CCDC172: variants seen among roughly 807,000 people sequenced by gnomAD.
CCDC172 encodes the protein coiled-coil domain-containing protein 172.
CCDC172 carries 30 observed loss-of-function variants against 38.0 expected under a neutral mutation model. The observed-to-expected ratio is 0.79, with a 90% CI of 0.59 to 1.07. The LOEUF (loss-of-function observed/expected upper bound fraction) is 1.07. CCDC172 is among the 50% of genes least tolerant of loss of function. The pLI is 0.00. For synonymous variants in CCDC172, 78 were observed against 88.3 expected, an observed-to-expected ratio of 0.88 and a Z score of 0.66; for missense variants, 297 against 290.1, an observed-to-expected ratio of 1.02 and a Z score of -0.17.
chr10:116,357,807 A>G, intron 6 of CCDC172, 29 bp from the exon 7 acceptor site: 2 of 1,154,936 alleles, frequency 1.7e-6, no homozygotes, highest in Non-Finnish European at 2.5e-6. Context: ...AATTTTCAAA[A>G]GATTGCAACT....
At chr10:116,356,318 AG>A (rs1410538928) in intron 5 of CCDC172, among the ~76,000 whole-genome samples, 1 of 147,684 alleles carries the variant, frequency 6.8e-6, no homozygotes, top group Non-Finnish European at 1.5e-5. Flanking sequence ...CAACAGAGCA[AG>A]ACTCCACTCA....
chr10:116,339,527 CA>C (rs1844768667), intron 3 of CCDC172, among the ~76,000 whole-genome samples: 1 of 151,794 alleles, frequency 6.6e-6, no homozygotes, highest in African/African-American at 2.4e-5. Flanking sequence ...TTCCTTCCCC[CA>C]ATCTCTAAAA....
intron 5 of CCDC172, among the ~76,000 whole-genome samples, chr10:116,355,823 G>A (rs1844988445): frequency 6.6e-6 from 1 of 152,126 alleles, no homozygotes; most frequent in Non-Finnish European, 1.5e-5. Context: ...CAGAGTTAGG[G>A]GAAATTGGGA....
intron 7 of CCDC172, among the ~76,000 whole-genome samples, chr10:116,360,883 A>G (rs931139067): frequency 1.3e-4 from 20 of 152,060 alleles, no homozygotes; most frequent in African/African-American, 4.8e-4. Context: ...ACCCTTGCCT[A>G]CAGATTTAAG....
At chr10:116,329,874 A>T (rs1409725361) in intron 3 of CCDC172, among the ~76,000 whole-genome samples, 1 of 152,192 alleles carries the variant, frequency 6.6e-6, no homozygotes, top group Non-Finnish European at 1.5e-5. Flanking sequence ...AAGTGTCAAA[A>T]ATATTAATTT....
intron 5 of CCDC172, among the ~76,000 whole-genome samples, chr10:116,346,589 C>CAAAAAAAAA (rs1844870045): frequency 6.6e-6 from 1 of 150,956 alleles, no homozygotes; most frequent in Admixed American, 6.6e-5. Flanking sequence ...CAGTGACTGT[C>CAAAAAAAAA]AAAAGTCATG....
intron 5 of CCDC172, among the ~76,000 whole-genome samples, chr10:116,355,732 G>T (rs1409392894): frequency 6.6e-6 from 1 of 152,160 alleles, no homozygotes. Flanking sequence ...ACCACATATT[G>T]TATGATTCCA....
At chr10:116,356,326 C>T (rs754515042) in intron 5 of CCDC172, among the ~76,000 whole-genome samples, 20 of 132,838 alleles carry the variant, frequency 1.5e-4, no homozygotes, top group Non-Finnish European at 3.1e-4. Context: ...CAAGACTCCA[C>T]TCAGAAAAAA....
chr10:116,371,386 C>T (rs1397802478), intron 7 of CCDC172, among the ~76,000 whole-genome samples: 1 of 151,718 alleles, frequency 6.6e-6, no homozygotes, highest in Non-Finnish European at 1.5e-5. Context: ...ATTCCGGGAA[C>T]AAATCCTAAT....
chr10:116,348,115 G>A (rs1414122051), intron 5 of CCDC172, among the ~76,000 whole-genome samples: 3 of 151,424 alleles, frequency 2.0e-5, no homozygotes, highest in African/African-American at 7.3e-5. Flanking sequence ...AAAAATGTAC[G>A]TACTATAATT....
At chr10:116,355,589 CA>C (rs2134946658) in intron 5 of CCDC172, among the ~76,000 whole-genome samples, 1 of 152,108 alleles carries the variant, frequency 6.6e-6, no homozygotes, top group Non-Finnish European at 1.5e-5. Flanking sequence ...GTGAGGAATC[CA>C]AAAACAAAAT....
intron 5 of CCDC172, among the ~76,000 whole-genome samples, chr10:116,356,199 G>A (rs902056273): frequency 4.6e-5 from 7 of 151,996 alleles, no homozygotes; most frequent in Admixed American, 1.3e-4. Flanking sequence ...GCATGGTGGC[G>A]AGCACCTGTA....
intron 7 of CCDC172, among the ~76,000 whole-genome samples, chr10:116,371,190 T>C (rs796110267): frequency 2.6e-4 from 39 of 151,954 alleles, no homozygotes; most frequent in African/African-American, 6.7e-4. Flanking sequence ...ATATGTATTT[T>C]TTTTATTGGG....
intron 3 of CCDC172, among the ~76,000 whole-genome samples, chr10:116,331,938 T>A (rs891067046): frequency 1.3e-5 from 2 of 152,140 alleles, no homozygotes; most frequent in Non-Finnish European, 1.5e-5. Context: ...CGTTTTCCAC[T>A]CATGGCTCAA....
At chr10:116,326,944 G>A (rs956780269) in intron 3 of CCDC172, among the ~76,000 whole-genome samples, 7 of 152,160 alleles carry the variant, frequency 4.6e-5, no homozygotes, top group African/African-American at 1.7e-4. Flanking sequence ...GGTGGTATGG[G>A]CAAAACATTA....
rs1026957071 is a variant in CCDC172 at position 116,326,883 on chromosome 10, T to G, written c.165+1495T>G. Reference sequence around the variant, plus strand: ...TATTCAGTGAGATCCTTCCTCCTGTTTTGCCTGTGAATAGTAGGTAAACTA... The same window carrying G: ...TATTCAGTGAGATCCTTCCTCCTGTGTTGCCTGTGAATAGTAGGTAAACTA... On this transcript the variant is annotated intron_variant, in intron 3 of 8. Transcript: ENST00000333254. 2.0e-5 allele frequency among the ~76,000 whole-genome samples: 3 copies of G among 152,310 alleles called. No homozygotes were observed. The South Asian group carries it at 6.2e-4, about 32-fold the overall frequency.
intron 3 of CCDC172, among the ~76,000 whole-genome samples, chr10:116,330,425 T>A (rs1266167789): frequency 1.3e-5 from 2 of 152,172 alleles, no homozygotes; most frequent in Non-Finnish European, 2.9e-5. Context: ...AGGGAAGCAG[T>A]AAGTAATGCA....
Position 116,345,603 on chromosome 10 carries a change from A to T in CCDC172, c.448+3402A>T, listed in dbSNP as rs1016570048. Among the ~76,000 whole-genome samples, 5 of 152,196 alleles carry T rather than the reference A, an allele frequency of 3.3e-5. No homozygotes were observed. The East Asian group carries it at 9.6e-4, about 29-fold the overall frequency. On this transcript the variant is annotated intron_variant, in intron 5 of 8. Transcript: ENST00000333254. ...GTTATCCAGAACATAATGAACTCTAACAACTTAAAAAATAAGAAAGGCAAA... is the reference window on the plus strand; with the variant it reads ...GTTATCCAGAACATAATGAACTCTATCAACTTAAAAAATAAGAAAGGCAAA...
chr10:116,341,204 T>G (rs1645733704), intron 4 of CCDC172, among the ~76,000 whole-genome samples: 1 of 152,038 alleles, frequency 6.6e-6, no homozygotes. Context: ...GGATGGATAT[T>G]GTTAATCTTT....
Sources: allele counts gnomAD v4.1 joint callset (sites outside exome capture counted in the v4.1 genomes callset), GRCh38; gene constraint gnomAD v4.1.1; transcripts MANE v1.5; gene names NCBI Gene and HGNC (gene_info 2026-07-23, HGNC 2026-07-21).